Variants in PTPRG observed in about 807,000 individuals in gnomAD.
PTPRG encodes the protein receptor-type tyrosine-protein phosphatase gamma.
A neutral mutation model predicts 165.3 loss-of-function variants in PTPRG; 102 were observed. The observed-to-expected ratio is 0.62, with a 90% CI of 0.53 to 0.73. PTPRG has a LOEUF of 0.73. Among genes scored for constraint, PTPRG ranks in the 30% least tolerant of loss-of-function variants. PTPRG has a pLI of 0.00. For missense variants in PTPRG, 1,866 were observed against 1,861.4 expected, an observed-to-expected ratio of 1.00 and a Z score of -0.05; for synonymous variants, 675 against 669.5, an observed-to-expected ratio of 1.01 and a Z score of -0.13.
chr3:61,938,100 A>C (rs1156721812), intron 2 of PTPRG, among the ~76,000 whole-genome samples: 1 of 152,012 alleles, frequency 6.6e-6, no homozygotes. Context: ...TATCTTAGTG[A>C]AAGTTTAAAA....
chr3:61,865,875 T>C (rs2037391889), intron 2 of PTPRG, among the ~76,000 whole-genome samples: 2 of 152,222 alleles, frequency 1.3e-5, no homozygotes, highest in African/African-American at 4.8e-5. Flanking sequence ...TAGAAAATGC[T>C]GAGATTCAGC....
intron 4 of PTPRG, among the ~76,000 whole-genome samples, chr3:62,041,524 C>T (rs1700130556): frequency 6.6e-6 from 1 of 152,198 alleles, no homozygotes; most frequent in South Asian, 2.1e-4. Context: ...TGCCGAACCT[C>T]TGCCTTCACA....
At chr3:61,975,577 G>A (rs1211822534) in intron 2 of PTPRG, among the ~76,000 whole-genome samples, 1 of 152,184 alleles carries the variant, frequency 6.6e-6, no homozygotes, top group African/African-American at 2.4e-5. Context: ...ACCATTGTCA[G>A]TGAGCTGCCA....
At chr3:61,737,684 T>C (rs1172338694) in intron 1 of PTPRG, among the ~76,000 whole-genome samples, 2 of 152,066 alleles carry the variant, frequency 1.3e-5, no homozygotes, top group Non-Finnish European at 2.9e-5. Flanking sequence ...ATACGGTGTT[T>C]TAAGCAAAGG....
chr3:61,656,375 C>T (rs1260858149), intron 1 of PTPRG, among the ~76,000 whole-genome samples: 1 of 152,172 alleles, frequency 6.6e-6, no homozygotes, highest in East Asian at 1.9e-4. Flanking sequence ...GGAAATGCCT[C>T]CATAGCCCCC....
At chr3:61,884,599 G>C (rs1216593828) in intron 2 of PTPRG, among the ~76,000 whole-genome samples, 1 of 152,188 alleles carries the variant, frequency 6.6e-6, no homozygotes, top group East Asian at 1.9e-4. Context: ...TGTTGTCCTT[G>C]GTGGAGGACC....
At chr3:61,632,303 T>C in intron 1 of PTPRG, among the ~76,000 whole-genome samples, 1 of 133,824 alleles carries the variant, frequency 7.5e-6, no homozygotes, top group Non-Finnish European at 1.6e-5. Context: ...AGTGAGACCC[T>C]GTTACACACG....
chr3:62,282,989 C>T (rs1702511442), intron 28 of PTPRG, 120 bp downstream of exon 28: 10 of 868,680 alleles, frequency 1.2e-5, no homozygotes, highest in Middle Eastern at 2.6e-4. Flanking sequence ...CTTGTGACAA[C>T]TCCATGTTAT....
At chr3:62,099,115 T>C (rs1702206589) in intron 5 of PTPRG, among the ~76,000 whole-genome samples, 1 of 152,230 alleles carries the variant, frequency 6.6e-6, no homozygotes, top group African/African-American at 2.4e-5. Context: ...TTTAGGAATT[T>C]TCACCACTGG....
intron 5 of PTPRG, among the ~76,000 whole-genome samples, chr3:62,079,174 G>T (rs1701487749): frequency 6.6e-6 from 1 of 152,182 alleles, no homozygotes. Context: ...TTCTTGTTTG[G>T]AGTATGTTAA....
rs79179231 is a variant in PTPRG at position 62,270,751 on chromosome 3, G to A, written c.3010-632G>A. Among the ~76,000 whole-genome samples, 849 of 152,160 alleles carry A rather than the reference G, an allele frequency of 5.6e-3. 6 individuals are homozygous for A. The highest frequency in any genetic ancestry group is 8.8e-3 in the Non-Finnish European group (598 of 67,988). ...AATTAGGTATTGATAATAAGAAATC[G>A]TATCATAGCAAATAATCTATTTGGG... On this transcript the variant is annotated intron_variant, in intron 20 of 29. Transcript: ENST00000474889.
chr3:61,969,945 G>GT (rs569806673), intron 2 of PTPRG, among the ~76,000 whole-genome samples: 7 of 152,280 alleles, frequency 4.6e-5, no homozygotes, highest in South Asian at 2.1e-4. Flanking sequence ...CAGTGAGGTT[G>GT]TTTTTTAGAT....
intron 6 of PTPRG, among the ~76,000 whole-genome samples, chr3:62,154,199 T>G (rs2106689193): frequency 6.6e-6 from 1 of 152,302 alleles, no homozygotes; most frequent in Admixed American, 6.5e-5. Flanking sequence ...AGACCATCCT[T>G]TGGCCTCCAA....
chr3:62,187,214 G>A (rs140448428), intron 8 of PTPRG, among the ~76,000 whole-genome samples: 1 of 152,370 alleles, frequency 6.6e-6, no homozygotes, highest in African/African-American at 2.4e-5. Context: ...GTACTAGTAA[G>A]TGCTGGGAAG....
chr3:62,278,449 CTT>C (rs1463005662), intron 26 of PTPRG, among the ~76,000 whole-genome samples: 3 of 152,026 alleles, frequency 2.0e-5, no homozygotes, highest in African/African-American at 7.2e-5. Context: ...ATAAAACAGA[CTT>C]AAATGTTTCT....
intron 6 of PTPRG, among the ~76,000 whole-genome samples, chr3:62,137,650 C>T (rs753376629): frequency 6.6e-6 from 1 of 152,068 alleles, no homozygotes; most frequent in Non-Finnish European, 1.5e-5. Flanking sequence ...CAGCAGAGAC[C>T]ACCGTGATCT....
Position 62,195,094 on chromosome 3 carries a change from C to G in PTPRG, c.1251C>G (p.Ser417Arg), listed in dbSNP as rs1425357262. The change falls in exon 10 of 30, where the codon AGC becomes AGG. Residue 417 changes from serine (S) to arginine (R), a missense_variant. Coordinates refer to ENST00000474889, the MANE Select transcript of PTPRG (RefSeq NM_002841.4). This position sits in a 1 kb window ranked among gnomAD's most constrained non-coding sequence, Gnocchi z 4.4. ...CCATTAGCCATGTCTCACCCGATAG[C>G]CTTTACCTGTTCCGAGTCCAGGCCG... is the stretch of plus-strand genomic sequence containing the variant. ...KATISHVSPD[S>R]LYLFRVQAVC... 1 of 1,614,108 alleles carries G rather than the reference C, an allele frequency of 6.2e-7. No homozygotes were observed. Among genetic ancestry groups the G allele is most frequent in the African/African-American group, 1.3e-5 (1 of 74,938 alleles).
chr3:62,194,329 A>T (rs1699907285), intron 9 of PTPRG, among the ~76,000 whole-genome samples: 2 of 152,172 alleles, frequency 1.3e-5, no homozygotes, highest in African/African-American at 4.8e-5. Flanking sequence ...TGTAATTCTC[A>T]CAAGTACCTA....
chr3:61,650,147 G>A (rs1015460621), intron 1 of PTPRG, among the ~76,000 whole-genome samples: 1 of 152,102 alleles, frequency 6.6e-6, no homozygotes, highest in African/African-American at 2.4e-5. Context: ...CTGTACAAAT[G>A]CAGTGATACA....
Sources: gnomAD v4.1 joint callset for allele counts (sites outside exome capture counted in the v4.1 genomes callset) on GRCh38, gnomAD v4.1.1 for gene constraint, Gnocchi (gnomAD v3.1) non-coding constraint, MANE v1.5 for transcripts, NCBI Gene and HGNC (gene_info 2026-07-23, HGNC 2026-07-21) for gene names.